Variants in ATP8A1 observed in about 807,000 individuals in gnomAD.
ATP8A1 encodes the protein phospholipid-transporting ATPase IA.
ATP8A1 carries 90 observed loss-of-function variants against 177.7 expected under a neutral mutation model. The observed-to-expected ratio is 0.51, with a 90% confidence interval of 0.43 to 0.60. The LOEUF (loss-of-function observed/expected upper bound fraction) is 0.60. Among genes scored for constraint, ATP8A1 ranks in the 20% least tolerant of loss-of-function variants. The pLI, the probability that ATP8A1 is intolerant of heterozygous loss-of-function variation, is 0.00. For synonymous variants in ATP8A1, 493 were observed against 485.9 expected (o/e 1.01, Z -0.19); for missense variants, 1,072 against 1,392.8 (o/e 0.77, Z 3.67).
intron 25 of ATP8A1, among the ~76,000 whole-genome samples, chr4:42,476,278 A>G (rs1270304021): frequency 1.3e-5 from 2 of 152,270 alleles, no homozygotes; most frequent in East Asian, 1.9e-4. Context: ...AATAAACTCC[A>G]TATGTGTAAA....
intron 22 of ATP8A1, among the ~76,000 whole-genome samples, chr4:42,507,980 T>C (rs1724624407): frequency 6.6e-6 from 1 of 152,064 alleles, no homozygotes; most frequent in South Asian, 2.1e-4. Flanking sequence ...ATAGTATTAG[T>C]CTCTGCAAGG....
At chr4:42,443,753 CT>C in intron 32 of ATP8A1, 81 bp from the exon 33 acceptor site, 1 of 679,860 alleles carries the variant, frequency 1.5e-6, no homozygotes. Flanking sequence ...CTCAAATTCC[CT>C]TATTAACTTT....
intron 24 of ATP8A1, among the ~76,000 whole-genome samples, chr4:42,502,283 A>G (rs1723935243): frequency 6.6e-6 from 1 of 152,192 alleles, no homozygotes; most frequent in Non-Finnish European, 1.5e-5. Flanking sequence ...AGTGTTTATT[A>G]ATTTTGAGTT....
chr4:42,454,852 T>A (rs1718312984), intron 29 of ATP8A1, among the ~76,000 whole-genome samples: 1 of 152,148 alleles, frequency 6.6e-6, no homozygotes, highest in South Asian at 2.1e-4. Context: ...ACAAAGTTAT[T>A]TCACAAAATG....
At chr4:42,502,708 C>T (rs547341011) in intron 24 of ATP8A1, among the ~76,000 whole-genome samples, 4 of 152,314 alleles carry the variant, frequency 2.6e-5, no homozygotes, top group South Asian at 2.1e-4. Flanking sequence ...ATCCCTTCCA[C>T]GCATGTGGCC....
chr4:42,514,619 G>A (rs1315045393), intron 22 of ATP8A1, among the ~76,000 whole-genome samples: 2 of 152,148 alleles, frequency 1.3e-5, no homozygotes, highest in African/African-American at 2.4e-5. Context: ...TAGTGATTAT[G>A]CAACTGCACA....
chr4:42,509,849 C>CA (rs751055015), intron 22 of ATP8A1, among the ~76,000 whole-genome samples: 2,395 of 77,836 alleles, frequency 0.031, 59 homozygotes, highest in Admixed American at 0.067. Context: ...GAGACAGTCT[C>CA]AAAAAAAAAA....
intron 24 of ATP8A1, among the ~76,000 whole-genome samples, chr4:42,501,377 C>T (rs1723841870): frequency 6.6e-6 from 1 of 152,218 alleles, no homozygotes; most frequent in South Asian, 2.1e-4. Flanking sequence ...GGCAGCAGAA[C>T]TGGCTCAGAG....
chr4:42,574,600 A>C lies in ATP8A1; in HGVS notation c.1295+19T>G, dbSNP rs767180318. ...AATTAAGCATGTATTTCATATCCTA[A>C]TTAAAGGAAAAAACTCACCCATAAG... On this transcript the variant is annotated intron_variant, in intron 14 of 36. Transcript: ENST00000381668. 1.4e-5 allele frequency: 22 copies of C among 1,589,320 alleles called. No individual in the cohort carries two copies. The highest frequency in any genetic ancestry group is 1.9e-5 in the Non-Finnish European group (22 of 1,162,740).
In ATP8A1 at chr4:42,647,723, T is replaced by C. The variant is rs543450589; in HGVS notation, c.49+9102A>G. Among the ~76,000 whole-genome samples the C allele has an allele frequency of 1.1e-4, 16 of 152,224 alleles. No homozygotes were observed. The South Asian group carries it at 3.1e-3, about 30-fold the overall frequency. ...AATGCTGATTTGTAAGTAGATTCCA[T>C]GGAACCATTAGCTAAATCTAGTTGG... is the stretch of plus-strand genomic sequence containing the variant. On this transcript the variant is annotated intron_variant, in intron 1 of 36. Transcript: ENST00000381668.
At chr4:42,560,780 C>T (rs1730737341) in intron 15 of ATP8A1, among the ~76,000 whole-genome samples, 1 of 152,046 alleles carries the variant, frequency 6.6e-6, no homozygotes, top group African/African-American at 2.4e-5. Flanking sequence ...ACTTAGGTTG[C>T]ACAGAGAAAA....
chr4:42,501,987 CACTTT>C (rs1467708687), intron 24 of ATP8A1, among the ~76,000 whole-genome samples: 3 of 152,044 alleles, frequency 2.0e-5, no homozygotes, highest in Non-Finnish European at 4.4e-5. Flanking sequence ...GACTTTTAGC[CACTTT>C]ACTTAAAAAA....
chr4:42,519,336 C>G (rs745575661), intron 22 of ATP8A1, among the ~76,000 whole-genome samples: 2 of 152,184 alleles, frequency 1.3e-5, no homozygotes, highest in Non-Finnish European at 2.9e-5. Flanking sequence ...CTCAATGATC[C>G]TCCCACCTTG....
At chr4:42,464,200 C>T (rs541654543) in intron 27 of ATP8A1, among the ~76,000 whole-genome samples, 1 of 151,292 alleles carries the variant, frequency 6.6e-6, no homozygotes, top group South Asian at 2.1e-4. Context: ...TAATTCAACA[C>T]TTCTTATCAA....
intron 20 of ATP8A1, among the ~76,000 whole-genome samples, chr4:42,531,297 GA>G (rs1036640089): frequency 6.6e-6 from 1 of 152,190 alleles, no homozygotes; most frequent in African/African-American, 2.4e-5. Flanking sequence ...ACTCCACCAG[GA>G]AAAAAACCAC....
intron 15 of ATP8A1, among the ~76,000 whole-genome samples, chr4:42,564,631 C>T (rs913312158): frequency 2.0e-5 from 3 of 152,368 alleles, no homozygotes; most frequent in Non-Finnish European, 4.4e-5. Context: ...CATGCCTATA[C>T]TCCCATTGTA....
chr4:42,644,913 A>T (rs1170649746), intron 1 of ATP8A1, among the ~76,000 whole-genome samples: 1 of 152,190 alleles, frequency 6.6e-6, no homozygotes, highest in Non-Finnish European at 1.5e-5. Flanking sequence ...TGCCACAGAA[A>T]TTTCAAAGAC....
At chr4:42,638,870 A>C (rs1739650862) in intron 1 of ATP8A1, among the ~76,000 whole-genome samples, 1 of 152,198 alleles carries the variant, frequency 6.6e-6, no homozygotes, top group Non-Finnish European at 1.5e-5. Flanking sequence ...GTTCACCTCT[A>C]AAAATGCACA....
chr4:42,429,304 T>G (rs1348541104), intron 33 of ATP8A1, among the ~76,000 whole-genome samples: 1 of 152,142 alleles, frequency 6.6e-6, no homozygotes, highest in African/African-American at 2.4e-5. Context: ...TATGTTAAAC[T>G]ATCCCCAGCT....
Sources: gnomAD v4.1 joint callset for allele counts (sites outside exome capture counted in the v4.1 genomes callset) on GRCh38, gnomAD v4.1.1 for gene constraint, MANE v1.5 for transcripts, NCBI Gene and HGNC (gene_info 2026-07-23, HGNC 2026-07-21) for gene names.